Variants in BPIFA2 observed in about 807,000 individuals in gnomAD.
The protein encoded by BPIFA2 is BPI fold containing family A member 2, also known as BPI fold-containing family A member 2.
Under a neutral mutation model 25.7 loss-of-function variants are expected in BPIFA2, and 20 were observed. The ratio of observed to expected loss-of-function variants is 0.78; its 90% CI spans 0.55 to 1.13. The LOEUF is 1.13. BPIFA2 is among the 50% of genes most tolerant of loss of function. The probability of loss-of-function intolerance (pLI) is 0.00; values close to 1 mark genes in which losing one functional copy is unlikely to be tolerated. For synonymous variants in BPIFA2, 126 were observed against 124.3 expected (o/e 1.01, Z -0.09); for missense variants, 300 against 298.1 (o/e 1.01, Z -0.05).
At chr20:33,173,218 C>A in intron 3 of BPIFA2, 142 bp downstream of exon 3, 4 of 953,924 alleles carry the variant, frequency 4.2e-6, no homozygotes, top group Non-Finnish European at 4.6e-6. Flanking sequence ...CAAGGCCAGA[C>A]CCACCAGAGC....
At chr20:33,173,831 G>A (rs1203549772) in intron 3 of BPIFA2, among the ~76,000 whole-genome samples, 2 of 152,178 alleles carry the variant, frequency 1.3e-5, no homozygotes, top group East Asian at 3.8e-4. Flanking sequence ...AAGTCAGATA[G>A]TTCTGGCCTC....
At chr20:33,177,142 G>T (rs1984106645) in intron 5 of BPIFA2, among the ~76,000 whole-genome samples, 1 of 152,148 alleles carries the variant, frequency 6.6e-6, no homozygotes, top group Non-Finnish European at 1.5e-5. Context: ...ATCACTTGAG[G>T]TCAGGAGTTC....
intron 5 of BPIFA2, among the ~76,000 whole-genome samples, chr20:33,177,693 A>T (rs915151531): frequency 2.0e-5 from 3 of 152,140 alleles, no homozygotes; most frequent in Non-Finnish European, 4.4e-5. Context: ...GCAGTCAGGG[A>T]GGGGTGCCCT....
In BPIFA2 at chr20:33,174,169, G is replaced by C. The variant is rs554973504; in HGVS notation, c.393G>C (p.Ala131=). The change falls in exon 4 of 9, where the codon GCG becomes GCC. Residue 131 remains alanine, a synonymous_variant. Coordinates refer to ENST00000354932, the MANE Select transcript of BPIFA2 (RefSeq NM_080574.4). ...TTAACCTGAGCTTCCCTGTCACCGC[G>C]AATGTCACTGTGGCCGGGTGAGTAT... ...KGLNLSFPVT[A]NVTVAGPIIG... is the part of the protein sequence containing the mutation. 35 of 1,614,084 alleles carry C rather than the reference G, an allele frequency of 2.2e-5. No individual in the cohort carries two copies. The South Asian group carries it at 3.4e-4, about 16-fold the overall frequency.
At chr20:33,162,487 G>A (rs1983610312) in intron 1 of BPIFA2, among the ~76,000 whole-genome samples, 1 of 152,176 alleles carries the variant, frequency 6.6e-6, no homozygotes, top group African/African-American at 2.4e-5. Context: ...CTAGAATGAG[G>A]CTCTGCCCTC....
At position 33,178,172 on chromosome 20, in the gene BPIFA2, G is replaced by A. The variant is rs145037130; in HGVS notation, c.589G>A (p.Val197Met). The change falls in exon 6 of 9, where the codon GTG becomes ATG. Residue 197 changes from valine to methionine, a missense_variant. By Grantham distance (21) the Val-to-Met change is conservative (BLOSUM62 1). Transcript: ENST00000354932. ...DKHSQIINKFVNSVINTLKST... is the reference protein window; with the variant it reads ...DKHSQIINKFMNSVINTLKST... ...ACACAGCCAAATCATCAACAAGTTC[G>A]TGAATAGCGTGATCAACACGCTGAA... 45 of 1,606,624 alleles carry A rather than the reference G, an allele frequency of 2.8e-5. No homozygotes were observed. The highest frequency in any genetic ancestry group is 3.7e-5 in the Non-Finnish European group (43 of 1,174,786).
intron 5 of BPIFA2, among the ~76,000 whole-genome samples, chr20:33,176,667 G>C (rs1984088953): frequency 6.6e-6 from 1 of 152,176 alleles, no homozygotes; most frequent in African/African-American, 2.4e-5. Context: ...ACCACTCTGA[G>C]GCTCCAGATC....
At chr20:33,180,403 T>G (rs1366438722) in intron 7 of BPIFA2, 117 bp from the exon 8 acceptor site, 33 of 1,108,462 alleles carry the variant, frequency 3.0e-5, no homozygotes, top group Middle Eastern at 2.4e-4. Context: ...TGGAGCAACA[T>G]CCCTGGGGTC....
chr20:33,162,140 C>T (rs1011700111), intron 1 of BPIFA2, among the ~76,000 whole-genome samples: 1 of 152,080 alleles, frequency 6.6e-6, no homozygotes, highest in African/African-American at 2.4e-5. Context: ...GCCACCACAC[C>T]CGGCTAATTT....
intron 1 of BPIFA2, chr20:33,162,029 G>C (rs554494681): frequency 6.6e-6 from 1 of 152,222 alleles, no homozygotes; most frequent in East Asian, 1.9e-4. Context: ...CGCCGAGGTT[G>C]GAGTACAATG....
chr20:33,179,665 T>C lies in BPIFA2; in HGVS notation c.707T>C (p.Val236Ala), dbSNP rs1282341581. ...GATGTGAATGTCATTCAGCAGGTCG[T>C]CGGTAAGTCAATGGGGAAGTGGGGA... ...SLDVNVIQQV[V>A]DNPQHKTQLQ... is the part of the protein sequence containing the mutation. Residue 236 changes from valine (V) to alanine (A), a missense_variant and splice_region_variant, in exon 7 of 9, where the codon GTC (valine) becomes GCC (alanine). By Grantham distance (64) the Val-to-Ala change is moderately conservative. Coordinates refer to ENST00000354932, the MANE Select transcript of BPIFA2 (RefSeq NM_080574.4). The C allele has an allele frequency of 1.2e-6, 2 of 1,609,530 alleles. No individual in the cohort carries two copies. Among genetic ancestry groups the C allele is most frequent in the East Asian group, 4.5e-5 (2 of 44,860 alleles).
chr20:33,171,312 TA>T (rs1297408655), intron 2 of BPIFA2, among the ~76,000 whole-genome samples: 1 of 152,194 alleles, frequency 6.6e-6, no homozygotes, highest in Non-Finnish European at 1.5e-5. Context: ...AGTGAATCTA[TA>T]AATTACTTTG....
chr20:33,163,802 A>ATATATG (rs1238135202), upstream of BPIFA2, among the ~76,000 whole-genome samples: 1 of 152,012 alleles, frequency 6.6e-6, no homozygotes, highest in Non-Finnish European at 1.5e-5. Flanking sequence ...ATATATATAT[A>ATATATG]TATATGTACA....
In BPIFA2 at chr20:33,179,620, G is replaced by T. The variant is rs200433583; in HGVS notation, c.662G>T (p.Arg221Leu). 2 of 1,612,206 alleles carry T rather than the reference G, an allele frequency of 1.2e-6. No homozygotes were observed. Among genetic ancestry groups the T allele is most frequent in the Admixed American group, 1.7e-5 (1 of 60,010 alleles). The change falls in exon 7 of 9, where the codon CGC becomes CTC. Residue 221 changes from arginine (R) to leucine (L), a missense_variant. Coordinates refer to ENST00000354932, the MANE Select transcript of BPIFA2 (RefSeq NM_080574.4). ...CGCTGTCAGATATGTCCACTGATCC[G>T]CATCTTCATCCACTCCCTGGATGTG... ...LLQKEICPLI[R>L]IFIHSLDVNV... is the part of the protein sequence containing the mutation.
chr20:33,165,918 G>A (rs779306406), upstream of BPIFA2, among the ~76,000 whole-genome samples: 13 of 151,942 alleles, frequency 8.6e-5, no homozygotes, highest in Non-Finnish European at 1.9e-4. Context: ...CCTGAACCTC[G>A]GGTGACCTCT....
chr20:33,168,057 T>C (rs1008779284), upstream of BPIFA2: 4 of 152,238 alleles, frequency 2.6e-5, no homozygotes, highest in Admixed American at 1.3e-4. Context: ...GTTATTTTCC[T>C]TGGAGTGTCC....
chr20:33,178,008 G>C lies in BPIFA2; in HGVS notation c.564-139G>C, dbSNP rs556440226. 12 of 577,974 alleles carry C rather than the reference G, an allele frequency of 2.1e-5. No individual in the cohort carries two copies. In the South Asian group the frequency reaches 2.7e-4, roughly 13 times the overall value. The allele number at this position is 577,974 out of a possible 1,614,324, so 35.8% of individuals were successfully genotyped here. The stretch of plus-strand genomic sequence containing the variant: ...AAGTGATGATCCATGTGGATGGGAG[G>C]CTCTGTCTGTTAAAGTGTCTCCATG... On this transcript the variant is annotated intron_variant, in intron 5 of 8. Coordinates refer to ENST00000354932, the MANE Select transcript of BPIFA2 (RefSeq NM_080574.4).
intron 2 of BPIFA2, among the ~76,000 whole-genome samples, chr20:33,172,390 G>A (rs573411419): frequency 6.8e-4 from 101 of 147,494 alleles, no homozygotes; most frequent in African/African-American, 2.6e-3. Flanking sequence ...ATGTATCCCG[G>A]AACTTAAAGT....
chr20:33,178,305 CCT>C, intron 6 of BPIFA2, 77 bp downstream of exon 6: 2 of 1,121,700 alleles, frequency 1.8e-6, no homozygotes, highest in Non-Finnish European at 1.3e-6. Context: ...CTGGCTGTAT[CCT>C]CTGAGCACTT....
Sources: allele counts gnomAD v4.1 joint callset (sites outside exome capture counted in the v4.1 genomes callset), GRCh38; gene constraint gnomAD v4.1.1; transcripts MANE v1.5; gene names NCBI Gene and HGNC (gene_info 2026-07-23, HGNC 2026-07-21).